The following CADPS variants were observed in gnomAD, a reference collection of about 807,000 sequenced individuals.
The protein encoded by CADPS is calcium dependent secretion activator.
CADPS carries 57 observed loss-of-function variants against 167.3 expected under a neutral mutation model. That is an observed-to-expected ratio of 0.34 (90% CI 0.28 to 0.42). The LOEUF (loss-of-function observed/expected upper bound fraction) is 0.42. Ranked by LOEUF, CADPS falls within the 20% of genes least tolerant of loss-of-function variation. The probability of loss-of-function intolerance (pLI) is 1.00; values close to 1 mark genes in which losing one functional copy is unlikely to be tolerated. For synonymous variants in CADPS, 676 were observed against 635.3 expected (o/e 1.06, Z -0.96); for missense variants, 1,414 against 1,738.1 (o/e 0.81, Z 3.32).
At chr3:62,857,993 C>T (rs2080034638) in intron 1 of CADPS, among the ~76,000 whole-genome samples, 1 of 152,044 alleles carries the variant, frequency 6.6e-6, no homozygotes, top group Non-Finnish European at 1.5e-5. Flanking sequence ...AATATGATTT[C>T]CACTTTTGTC....
chr3:62,626,833 T>C (rs182570962), intron 6 of CADPS, among the ~76,000 whole-genome samples: 3 of 152,276 alleles, frequency 2.0e-5, no homozygotes, highest in African/African-American at 7.2e-5. Context: ...CAAATAATAG[T>C]ATCAATGATA....
chr3:62,823,414 G>A (rs150261849), intron 1 of CADPS, among the ~76,000 whole-genome samples: 7 of 152,260 alleles, frequency 4.6e-5, no homozygotes, highest in Admixed American at 4.6e-4. Context: ...TTTCCTCATT[G>A]AGGGCAATAC....
Position 62,594,958 on chromosome 3 carries a change from T to A in CADPS, c.1326-2210A>T, listed in dbSNP as rs1483221792. ...TTTCTTCTGGCCTATTTTATCATTG[T>A]TGTTTTCATGGATATTTTCTTGACT... On this transcript the variant is annotated intron_variant, in intron 6 of 29. Coordinates refer to ENST00000383710, the MANE Select transcript of CADPS (RefSeq NM_003716.4). Among the ~76,000 whole-genome samples, 3 of 152,204 alleles carry A rather than the reference T, an allele frequency of 2.0e-5. No homozygotes were observed. The East Asian group carries it at 5.8e-4, about 29-fold the overall frequency.
chr3:62,595,257 T>G (rs1174401289), intron 6 of CADPS, among the ~76,000 whole-genome samples: 1 of 151,940 alleles, frequency 6.6e-6, no homozygotes, highest in African/African-American at 2.4e-5. Context: ...GGCCATGAGA[T>G]AGGACAAAAA....
chr3:62,471,942 CAAAT>C (rs753428224), intron 24 of CADPS, among the ~76,000 whole-genome samples: 8 of 152,060 alleles, frequency 5.3e-5, no homozygotes, highest in Non-Finnish European at 1.0e-4. Flanking sequence ...AATAAAAAGA[CAAAT>C]AACCCAATTT....
chr3:62,688,471 C>G (rs1321413410), intron 3 of CADPS, among the ~76,000 whole-genome samples: 1 of 151,986 alleles, frequency 6.6e-6, no homozygotes, highest in African/African-American at 2.4e-5. Flanking sequence ...CCCAGGTCAT[C>G]AGATATTTTT....
chr3:62,522,983 T>C (rs975448044), intron 13 of CADPS, among the ~76,000 whole-genome samples: 2 of 152,128 alleles, frequency 1.3e-5, no homozygotes, highest in Non-Finnish European at 2.9e-5. Flanking sequence ...ATCTCCGGAA[T>C]CCACCTTTCA....
At chr3:62,525,703 G>C (rs201169584) in intron 13 of CADPS, among the ~76,000 whole-genome samples, 1 of 143,076 alleles carries the variant, frequency 7.0e-6, no homozygotes, top group South Asian at 2.3e-4. Flanking sequence ...GTGTGTGTGT[G>C]TATGTGTGTG....
intron 1 of CADPS, among the ~76,000 whole-genome samples, chr3:62,820,800 T>TG (rs1469497113): frequency 3.3e-5 from 5 of 150,976 alleles, no homozygotes; most frequent in African/African-American, 7.3e-5. Flanking sequence ...TTTTGGTTTT[T>TG]TTTTTTTTTC....
At chr3:62,841,270 T>C (rs1307340370) in intron 1 of CADPS, among the ~76,000 whole-genome samples, 12 of 152,194 alleles carry the variant, frequency 7.9e-5, no homozygotes, top group Non-Finnish European at 2.9e-5. Context: ...AGAAGTCCAC[T>C]AGGTCAGATT....
At chr3:62,488,469 A>ATTATTTAT (rs760932725) in intron 21 of CADPS, among the ~76,000 whole-genome samples, 2,587 of 150,470 alleles carry the variant, frequency 0.017, 75 homozygotes, top group African/African-American at 0.059. Context: ...CACTGTTTTT[A>ATTATTTAT]TTATTTATTT....
intron 8 of CADPS, among the ~76,000 whole-genome samples, chr3:62,581,698 T>G (rs1007552534): frequency 6.6e-6 from 1 of 151,708 alleles, no homozygotes; most frequent in African/African-American, 2.4e-5. Context: ...AAAACAAAAA[T>G]TGATGGTGGA....
chr3:62,519,032 A>G (rs534403396), intron 13 of CADPS, among the ~76,000 whole-genome samples: 16 of 152,298 alleles, frequency 1.1e-4, no homozygotes, highest in Admixed American at 3.3e-4. Flanking sequence ...AGGTGCATAC[A>G]TATATACTCT....
chr3:62,851,762 T>C (rs1170733843), intron 1 of CADPS, among the ~76,000 whole-genome samples: 87 of 149,956 alleles, frequency 5.8e-4, no homozygotes, highest in Admixed American at 2.3e-3. Context: ...CTTGGAGTTG[T>C]TCTTCTCGAG....
chr3:62,663,897 G>T (rs2073903874), intron 3 of CADPS, among the ~76,000 whole-genome samples: 1 of 152,164 alleles, frequency 6.6e-6, no homozygotes, highest in African/African-American at 2.4e-5. Flanking sequence ...AAACTGGATT[G>T]CAACATTTGG....
rs752655788 is a variant in CADPS, at chr3:62,466,334, G to T, written c.3552+5C>A. 1.3e-6 allele frequency: 2 copies of T among 1,598,654 alleles called. No homozygotes were observed. The highest frequency in any genetic ancestry group is 1.7e-6 in the Non-Finnish European group (2 of 1,166,236). Reference sequence around the variant, plus strand: ...TGAAACATTTCACCTGAAGCTGGAGGTTACCTTTGCAACCAAGAGTGTTAT... The same window carrying T: ...TGAAACATTTCACCTGAAGCTGGAGTTTACCTTTGCAACCAAGAGTGTTAT... On this transcript the variant is annotated splice_donor_5th_base_variant and intron_variant, in intron 25 of 29. Coordinates refer to ENST00000383710, the MANE Select transcript of CADPS (RefSeq NM_003716.4).
chr3:62,860,417 G>C (rs529648596), intron 1 of CADPS, among the ~76,000 whole-genome samples: 1 of 152,256 alleles, frequency 6.6e-6, no homozygotes, highest in East Asian at 1.9e-4. Flanking sequence ...GCAGGAGATT[G>C]GTTCTAGGAC....
chr3:62,539,833 G>A (rs1290055367), intron 11 of CADPS, among the ~76,000 whole-genome samples: 1 of 152,154 alleles, frequency 6.6e-6, no homozygotes, highest in Non-Finnish European at 1.5e-5. Flanking sequence ...AGCATAGCAA[G>A]TGGTTAAGTG....
intron 1 of CADPS, among the ~76,000 whole-genome samples, chr3:62,809,556 C>G (rs9854417): frequency 0.072 from 10,894 of 152,216 alleles, 1,272 homozygotes; most frequent in African/African-American, 0.25. Context: ...TGTCATCTCC[C>G]CAGACTGCCC....
Sources: allele counts gnomAD v4.1 joint callset (sites outside exome capture counted in the v4.1 genomes callset), GRCh38; gene constraint gnomAD v4.1.1; transcripts MANE v1.5; gene names NCBI Gene and HGNC (gene_info 2026-07-23, HGNC 2026-07-21).